The following ZFHX3 variants were observed in gnomAD, a reference collection of about 807,000 sequenced individuals.
The protein encoded by ZFHX3 is zinc finger homeobox 3.
A neutral mutation model predicts 279.1 loss-of-function variants in ZFHX3; 42 were observed. The observed-to-expected ratio is 0.15, with a 90% CI of 0.12 to 0.19. The LOEUF (loss-of-function observed/expected upper bound fraction) is 0.19, where lower values mean the gene tolerates loss of function less well. Among genes scored for constraint, ZFHX3 ranks in the 10% least tolerant of loss-of-function variants. ZFHX3 has a pLI of 1.00. For missense variants in ZFHX3, 4,981 were observed against 4,754.0 expected, an observed-to-expected ratio of 1.05 and a Z score of -1.40; for synonymous variants, 2,293 against 1,957.8, an observed-to-expected ratio of 1.17 and a Z score of -4.52.
chr16:73,613,902 C>G (rs75868021), intron 2 of ZFHX3, among the ~76,000 whole-genome samples: 47 of 152,346 alleles, frequency 3.1e-4, no homozygotes, highest in Admixed American at 1.2e-3. Context: ...GTCCTACTAA[C>G]ACCAGCCTCT....
intron 2 of ZFHX3, among the ~76,000 whole-genome samples, chr16:73,490,680 A>C (rs1184025887): frequency 6.6e-6 from 1 of 152,138 alleles, no homozygotes; most frequent in East Asian, 1.9e-4. Context: ...TCTACAAAAA[A>C]TACAAAAATT....
At chr16:73,042,292 T>A (rs1965148343) in intron 1 of ZFHX3, among the ~76,000 whole-genome samples, 1 of 152,136 alleles carries the variant, frequency 6.6e-6, no homozygotes, top group Admixed American at 6.5e-5. Context: ...GAGATTCAAA[T>A]GAGAAGACAG....
At chr16:73,275,097 A>C (rs1295665815) in intron 4 of ZFHX3, among the ~76,000 whole-genome samples, 1 of 152,192 alleles carries the variant, frequency 6.6e-6, no homozygotes, top group Non-Finnish European at 1.5e-5. Flanking sequence ...ATCACTGTGC[A>C]GTAGCCCGAT....
intron 2 of ZFHX3, among the ~76,000 whole-genome samples, chr16:73,572,693 G>C (rs1282038740): frequency 6.6e-6 from 1 of 152,192 alleles, no homozygotes; most frequent in Non-Finnish European, 1.5e-5. Flanking sequence ...GGGATTCGAT[G>C]CCTTGTGCCT....
At chr16:73,061,255 T>G (rs1241112448), upstream of ZFHX3, 2 of 152,180 alleles carry the variant, frequency 1.3e-5, no homozygotes, top group African/African-American at 4.8e-5. Context: ...GGCTTTTTTT[T>G]GTCCCCTGCA....
chr16:73,327,997 C>T (rs1284034882), intron 3 of ZFHX3, among the ~76,000 whole-genome samples: 1 of 152,206 alleles, frequency 6.6e-6, no homozygotes, highest in Non-Finnish European at 1.5e-5. Context: ...CTTTTCAGCT[C>T]AGGATCGGGG....
chr16:73,343,230 T>C (rs1166661930), intron 3 of ZFHX3, among the ~76,000 whole-genome samples: 1 of 152,180 alleles, frequency 6.6e-6, no homozygotes, highest in East Asian at 1.9e-4. Context: ...TATGTGTGTG[T>C]GTATGTATGC....
intron 2 of ZFHX3, among the ~76,000 whole-genome samples, chr16:73,533,458 C>T (rs889387857): frequency 6.6e-6 from 1 of 150,574 alleles, no homozygotes; most frequent in Admixed American, 6.7e-5. Context: ...TCTCTTGCAT[C>T]ATCACTAATT....
intron 4 of ZFHX3, among the ~76,000 whole-genome samples, chr16:72,861,319 A>G (rs1238362604): frequency 6.6e-6 from 1 of 152,234 alleles, no homozygotes; most frequent in African/African-American, 2.4e-5. Context: ...TCACATTAGT[A>G]ATAATGCAAT....
chr16:73,798,105 G>A lies in ZFHX3; in HGVS notation c.-1608+93546C>T, dbSNP rs77838459. 5.2e-3 allele frequency among the ~76,000 whole-genome samples: 791 copies of A among 152,030 alleles called. 10 individuals are homozygous for A. Among genetic ancestry groups the A allele is most frequent in the African/African-American group, 0.018 (766 of 41,460 alleles). ...ATTATATACAGAAACCACCGCACTC[G>A]GTCCTTCTGAGACTTTCAGTAACTA... On this transcript the variant is annotated intron_variant, in intron 1 of 17. Coordinates refer to the ZFHX3 transcript ENST00000641206.
At chr16:72,800,996 C>T (rs560736558) in intron 7 of ZFHX3, among the ~76,000 whole-genome samples, 18 of 152,348 alleles carry the variant, frequency 1.2e-4, no homozygotes, top group Admixed American at 1.2e-3. Context: ...CGGCCAGAAG[C>T]CTGTCCAAAC....
intron 3 of ZFHX3, among the ~76,000 whole-genome samples, chr16:72,893,614 C>G (rs1393850534): frequency 1.3e-5 from 2 of 152,222 alleles, no homozygotes; most frequent in East Asian, 1.9e-4. Flanking sequence ...AAACTACAAT[C>G]TCTTACACTG....
intron 2 of ZFHX3, among the ~76,000 whole-genome samples, chr16:73,546,071 T>C (rs548548400): frequency 5.1e-4 from 77 of 152,274 alleles, no homozygotes; most frequent in African/African-American, 1.8e-3. Flanking sequence ...ATTAACTCAA[T>C]GTGAAGCCAG....
chr16:73,310,583 T>G (rs1274974112), intron 4 of ZFHX3, among the ~76,000 whole-genome samples: 2 of 152,116 alleles, frequency 1.3e-5, no homozygotes, highest in East Asian at 3.9e-4. Context: ...TGCTGACATC[T>G]AATAGGTAGA....
chr16:72,973,634 T>A (rs1192599434), intron 1 of ZFHX3: 3 of 152,240 alleles, frequency 2.0e-5, no homozygotes, highest in Non-Finnish European at 4.4e-5. Context: ...ATCCCAGCAC[T>A]TTGGGAGGCC....
intron 4 of ZFHX3, among the ~76,000 whole-genome samples, chr16:72,845,757 C>T (rs1357487842): frequency 5.3e-5 from 8 of 152,138 alleles, no homozygotes; most frequent in Admixed American, 3.9e-4. Context: ...CAATACCACG[C>T]GCCTGGAAAG....
chr16:72,823,262 T>G (rs1425946854), intron 5 of ZFHX3, among the ~76,000 whole-genome samples: 1 of 152,230 alleles, frequency 6.6e-6, no homozygotes, highest in Non-Finnish European at 1.5e-5. Flanking sequence ...ACATGCATCC[T>G]ACTGCAAAGA....
At chr16:72,849,573 T>C (rs750986590) in intron 4 of ZFHX3, among the ~76,000 whole-genome samples, 5 of 152,206 alleles carry the variant, frequency 3.3e-5, no homozygotes, top group Non-Finnish European at 7.3e-5. Context: ...GCCAGGCTAA[T>C]AGGTTTATGG....
At chr16:73,319,381 C>G (rs1035480808) in intron 3 of ZFHX3, among the ~76,000 whole-genome samples, 4 of 151,980 alleles carry the variant, frequency 2.6e-5, no homozygotes, top group African/African-American at 9.7e-5. Context: ...GCACAGGTTA[C>G]TTGGCAATAG....
Sources: allele counts gnomAD v4.1 joint callset (sites outside exome capture counted in the v4.1 genomes callset), GRCh38; gene constraint gnomAD v4.1.1; transcripts MANE v1.5; gene names NCBI Gene and HGNC (gene_info 2026-07-23, HGNC 2026-07-21).